WDR90: variants seen among roughly 807,000 people sequenced by gnomAD.
WDR90 encodes WD repeat-containing protein 90.
WDR90 carries 238 observed loss-of-function variants against 195.2 expected under a neutral mutation model. The observed-to-expected ratio is 1.22, with a 90% confidence interval of 1.10 to 1.36. The LOEUF (loss-of-function observed/expected upper bound fraction) is 1.36, where lower values mean the gene tolerates loss of function less well. WDR90 is among the 40% of genes most tolerant of loss of function. WDR90 has a pLI of 0.00. For missense variants in WDR90, 2,734 were observed against 2,439.5 expected, an observed-to-expected ratio of 1.12 and a Z score of -2.54; for synonymous variants, 1,265 against 1,052.4, an observed-to-expected ratio of 1.20 and a Z score of -3.91.
rs1457196996 is a variant in WDR90, at chr16:658,285, T to TCCA, written c.2710_2712dup (p.Thr904dup). On this transcript the variant is annotated inframe_insertion, in exon 22 of 41. Coordinates refer to ENST00000293879, the MANE Select transcript of WDR90 (RefSeq NM_145294.5). ...TGCAGCTCTGGGCCACCTGCTGGTGTCCACCTCGTCCAACAGAGTCGTGGT... is the reference window on the plus strand; with the variant it reads ...TGCAGCTCTGGGCCACCTGCTGGTGTCCACCACCTCGTCCAACAGAGTCGTGGT... 7.4e-6 allele frequency: 12 copies of TCCA among 1,612,520 alleles called. No homozygotes were observed. The East Asian group carries it at 8.9e-5, about 12-fold the overall frequency.
chr16:653,584 C>T lies in WDR90; in HGVS notation c.1293C>T (p.Ala431=). 6.2e-7 allele frequency: 1 copy of T among 1,613,544 alleles called. No individual in the cohort carries two copies. Among genetic ancestry groups the T allele is most frequent in the South Asian group, 1.1e-5 (1 of 91,088 alleles). Residue 431 remains alanine (A), a synonymous_variant, in exon 12 of 41, where the codon GCC becomes GCT. Coordinates refer to ENST00000293879, the MANE Select transcript of WDR90 (RefSeq NM_145294.5). ...SSLLASAQAR[A]PSVMRLWDFQ... ...TATTGGCCTCGGCCCAGGCAAGGGCCCCTAGTGTGATGCGGCTCTGGGACT... is the reference window on the plus strand; with the variant it reads ...TATTGGCCTCGGCCCAGGCAAGGGCTCCTAGTGTGATGCGGCTCTGGGACT...
chr16:665,890 C>G (rs2038015739), intron 35 of WDR90, 60 bp from the exon 36 acceptor site: 3 of 1,557,812 alleles, frequency 1.9e-6, no homozygotes, highest in African/African-American at 2.7e-5. Flanking sequence ...TCCCTCTGGC[C>G]TGGGTGTGTG....
In WDR90 at chr16:649,825, G is replaced by A. The variant is rs1427333889; in HGVS notation, c.73G>A (p.Ala25Thr). 8 of 1,582,682 alleles carry A rather than the reference G, an allele frequency of 5.1e-6. No homozygotes were observed. The highest frequency in any genetic ancestry group is 1.8e-5 in the Admixed American group (1 of 55,284). The change falls in exon 2 of 41, where the codon GCC (alanine) becomes ACC (threonine). Residue 25 changes from alanine (A) to threonine (T), a missense_variant. Transcript: ENST00000293879. Reference protein sequence around the residue: ...HFRVDEWKRSAKQGDVAVVTD... With the variant: ...HFRVDEWKRSTKQGDVAVVTD... ...CCGGGTGGACGAGTGGAAGCGCTCC[G>A]CCAAGCAGGGGGACGTGGCCGTGGT...
In WDR90 at chr16:653,520, C is replaced by T. The variant is rs767574012; in HGVS notation, c.1234-5C>T. The T allele has an allele frequency of 7.4e-6, 12 of 1,612,936 alleles. No homozygotes were observed. Among genetic ancestry groups the T allele is most frequent in the South Asian group, 4.4e-5 (4 of 91,088 alleles). On this transcript the variant is annotated splice_polypyrimidine_tract_variant and splice_region_variant and intron_variant, in intron 11 of 40. Coordinates refer to ENST00000293879, the MANE Select transcript of WDR90 (RefSeq NM_145294.5). Reference sequence around the variant, plus strand: ...TACACCCTCCCTCACCCTTCTGCCTCCTAGGTCTCCGCCCTGGCGCTGGAT... The same window carrying T: ...TACACCCTCCCTCACCCTTCTGCCTTCTAGGTCTCCGCCCTGGCGCTGGAT...
Position 656,423 on chromosome 16 carries a change from T to G in WDR90, c.2088T>G (p.Ala696=). ...TGTCCCGGGTGTACCACATGCTGGC[T>G]CGCTCCCACACCGCCCCGGTGTTGG... ...DTLSRVYHML[A]RSHTAPVLAL... Residue 696 remains alanine (A), a synonymous_variant, in exon 18 of 41, where the codon GCT becomes GCG. Transcript: ENST00000293879. 1.2e-6 allele frequency: 2 copies of G among 1,605,292 alleles called. No individual in the cohort carries two copies. The highest frequency in any genetic ancestry group is 1.7e-6 in the Non-Finnish European group (2 of 1,178,288).
intron 9 of WDR90, 141 bp downstream of exon 9, chr16:652,180 C>A: frequency 1.9e-6 from 2 of 1,056,470 alleles, no homozygotes; most frequent in Middle Eastern, 3.0e-4. Flanking sequence ...GCAGAGCTGG[C>A]GGGAGGCGGC....
intron 28 of WDR90, 85 bp from the exon 29 acceptor site, chr16:660,966 G>GC: frequency 5.7e-5 from 8 of 140,758 alleles, no homozygotes; most frequent in South Asian, 2.2e-4. Flanking sequence ...CCCAGGCCCC[G>GC]CCCCCTGTTC....
At chr16:649,732 T>C (rs2037600006) in intron 1 of WDR90, 31 bp from the exon 2 acceptor site, 1 of 1,540,500 alleles carries the variant, frequency 6.5e-7, no homozygotes, top group African/African-American at 1.4e-5. Flanking sequence ...CGTGGCCGAG[T>C]CCCCTGACGC....
At position 651,121 on chromosome 16, in the gene WDR90, T is replaced by C. The variant is rs371404558; in HGVS notation, c.668+18T>C. 18 of 1,613,198 alleles carry C rather than the reference T, an allele frequency of 1.1e-5. No homozygotes were observed. The African/African-American group carries it at 2.0e-4, about 18-fold the overall frequency. ...CACGTCCGGTGAGTGGTTCTGCTTC[T>C]TTCGAGGGAGGCCTCGGTGGTGGGA... On this transcript the variant is annotated intron_variant, in intron 6 of 40. Coordinates refer to ENST00000293879, the MANE Select transcript of WDR90 (RefSeq NM_145294.5).
intron 29 of WDR90, 33 bp from the exon 30 acceptor site, chr16:661,309 C>T (rs751696817): frequency 6.4e-7 from 1 of 1,563,086 alleles, no homozygotes; most frequent in South Asian, 1.2e-5. Flanking sequence ...CAGCCACGGC[C>T]TCCCCACTCA....
chr16:658,218 C>T lies in WDR90; in HGVS notation c.2640C>T (p.Ala880=). The part of the protein sequence containing the change: ...LRVDIGTLDL[A]SSRLDSAMAV... ...TTGACATCGGCACTCTGGACCTGGC[C>T]AGCAGCCGCCTGGACTCAGCCATGG... is the stretch of plus-strand genomic sequence containing the variant. Residue 880 remains alanine, a synonymous_variant, in exon 22 of 41, where the codon GCC becomes GCT. Coordinates refer to ENST00000293879, the MANE Select transcript of WDR90 (RefSeq NM_145294.5). 6.2e-7 allele frequency: 1 copy of T among 1,612,206 alleles called. No homozygotes were observed. Among genetic ancestry groups the T allele is most frequent in the Non-Finnish European group, 8.5e-7 (1 of 1,179,712 alleles).
Position 656,763 on chromosome 16 carries a change from C to T in WDR90, c.2234C>T (p.Pro745Leu), listed in dbSNP as rs114236636. The change falls in exon 19 of 41, where the codon CCG becomes CTG. Residue 745 changes from proline to leucine, a missense_variant. Pro to Leu is a moderately conservative substitution (Grantham distance 98, BLOSUM62 -3). Coordinates refer to ENST00000293879, the MANE Select transcript of WDR90 (RefSeq NM_145294.5). ...LYDFTSSEDA[P>L]CAVTFHPTRP... ...GACTTCACATCATCAGAGGACGCCC[C>T]GTGCGCTGTCACCTTCCACCCCACA... The T allele has an allele frequency of 9.5e-4, 1,536 of 1,613,242 alleles. 9 individuals are homozygous for T. In the African/African-American group the frequency reaches 0.018, roughly 19 times the overall value.
rs746706548 is a variant in WDR90 at position 666,271 on chromosome 16, C to T, written c.4661C>T (p.Pro1554Leu). ...GATGGGCTCGTGGCTGTGAGCCACC[C>T]CTGCACAGGGACAACCTTCCGTGTG... ...DKDGLVAVSH[P>L]CTGTTFRVLS... Residue 1554 changes from proline to leucine, a missense_variant, in exon 37 of 41, where the codon CCC (proline) becomes CTC (leucine). Physicochemically the swap from Pro to Leu is moderately conservative, Grantham distance 98. Coordinates refer to ENST00000293879, the MANE Select transcript of WDR90 (RefSeq NM_145294.5). The T allele has an allele frequency of 3.7e-6, 6 of 1,612,620 alleles. No homozygotes were observed. The South Asian group carries it at 5.5e-5, about 15-fold the overall frequency.
chr16:656,006 G>A, intron 17 of WDR90, 117 bp downstream of exon 17: 1 of 1,214,544 alleles, frequency 8.2e-7, no homozygotes, highest in Non-Finnish European at 1.1e-6. Flanking sequence ...GCTGCACAGG[G>A]TGCCACGGGG....
At position 653,344 on chromosome 16, in the gene WDR90, C is replaced by G; in HGVS notation, c.1126C>G (p.Leu376Val). The change falls in exon 11 of 41, where the codon CTG becomes GTG. Residue 376 changes from leucine (L) to valine (V), a missense_variant. Coordinates refer to ENST00000293879, the MANE Select transcript of WDR90 (RefSeq NM_145294.5). Reference protein sequence around the residue: ...GFGGHGTRQALWTPDGAAVVY... With the variant: ...GFGGHGTRQAVWTPDGAAVVY... ...GCCCCCCGCCCCCTTGTGCCAGGCC[C>G]TGTGGACCCCAGACGGGGCGGCTGT... 6.4e-7 allele frequency: 1 copy of G among 1,552,922 alleles called. No homozygotes were observed. The highest frequency in any genetic ancestry group is 8.7e-7 in the Non-Finnish European group (1 of 1,151,158).
At position 667,580 on chromosome 16, in the gene WDR90, C is replaced by T. The variant is rs771243840; in HGVS notation, c.5238C>T (p.Pro1746=). 1.7e-5 allele frequency: 28 copies of T among 1,608,238 alleles called. No homozygotes were observed. Among genetic ancestry groups the T allele is most frequent in the Admixed American group, 3.3e-5 (2 of 59,982 alleles). ...ACGAGATCCTTGTGTGGGAGGTCCC[C>T]GGCCTCTGAGATGCAGCAGGGACTG... The part of the protein sequence containing the change: ...ARNEILVWEV[P]GL The change falls in exon 41 of 41, where the codon CCC becomes CCT. Residue 1746 remains proline, a synonymous_variant. Transcript: ENST00000293879.
chr16:654,183 G>C, intron 13 of WDR90: 1 of 280,518 alleles, frequency 3.6e-6, no homozygotes, highest in Non-Finnish European at 6.6e-6. Context: ...ATCTTGGTGG[G>C]GGCACCTTTT....
chr16:659,562 A>T (rs1291449189), intron 26 of WDR90, among the ~76,000 whole-genome samples, 186 bp downstream of exon 26: 1 of 152,004 alleles, frequency 6.6e-6, no homozygotes, highest in Admixed American at 6.5e-5. Context: ...CATCAGGTGG[A>T]ACACGGTGGG....
Position 650,727 on chromosome 16 carries a change from A to T in WDR90, c.559+18A>T, listed in dbSNP as rs1452742158. On this transcript the variant is annotated intron_variant, in intron 5 of 40. Coordinates refer to ENST00000293879, the MANE Select transcript of WDR90 (RefSeq NM_145294.5). ...TGAGCCTGGTGAGGGCCGCACCTGC[A>T]CTCCCCACTCCATATCTCACCCATG... 1 of 1,597,136 alleles carries T rather than the reference A, an allele frequency of 6.3e-7. No homozygotes were observed.
Sources: allele counts gnomAD v4.1 joint callset (sites outside exome capture counted in the v4.1 genomes callset), GRCh38; gene constraint gnomAD v4.1.1; transcripts MANE v1.5; gene names NCBI Gene and HGNC (gene_info 2026-07-23, HGNC 2026-07-21).